ZNF234: variants seen among roughly 807,000 people sequenced by gnomAD.
ZNF234 encodes C2-H2 type zinc finger protein.
In ZNF234, 4 loss-of-function variants were observed where a neutral mutation model predicts 10.3. The observed-to-expected ratio is 0.39, with a 90% confidence interval of 0.19 to 0.89. The LOEUF (loss-of-function observed/expected upper bound fraction) is 0.89. Among genes scored for constraint, ZNF234 ranks in the 40% least tolerant of loss-of-function variants. The probability of loss-of-function intolerance (pLI) is 0.38; values close to 1 mark genes in which losing one functional copy is unlikely to be tolerated. For synonymous variants in ZNF234, 258 were observed against 280.1 expected (o/e 0.92, Z 0.79); for missense variants, 711 against 836.1 (o/e 0.85, Z 1.85).
At chr19:44,154,278 A>G (rs1361437188) in intron 5 of ZNF234, among the ~76,000 whole-genome samples, 1 of 150,584 alleles carries the variant, frequency 6.6e-6, no homozygotes, top group Non-Finnish European at 1.5e-5. Context: ...CTCCATCTCA[A>G]TTGTGAAAGA....
chr19:44,149,411 G>A (rs374236601), intron 4 of ZNF234, among the ~76,000 whole-genome samples: 6 of 152,184 alleles, frequency 3.9e-5, no homozygotes, highest in African/African-American at 1.4e-4. Context: ...TCACGCCACT[G>A]CACTCCAGCC....
Position 44,156,856 on chromosome 19 carries a change from A to G in ZNF234, c.840A>G (p.Arg280=). 6.2e-7 allele frequency: 1 copy of G among 1,613,382 alleles called. No individual in the cohort carries two copies. Among genetic ancestry groups the G allele is most frequent in the Non-Finnish European group, 8.5e-7 (1 of 1,179,572 alleles). Residue 280 remains arginine, a synonymous_variant, in exon 6 of 6, where the codon AGA becomes AGG. Transcript: ENST00000426739. The part of the protein sequence containing the change: ...IHASHLQEHQ[R]IHTGEKPFKC... ...CTTCCCATCTTCAGGAACATCAGAGAATTCATACTGGGGAGAAACCATTCA... is the reference window on the plus strand; with the variant it reads ...CTTCCCATCTTCAGGAACATCAGAGGATTCATACTGGGGAGAAACCATTCA...
intron 2 of ZNF234, among the ~76,000 whole-genome samples, chr19:44,143,133 A>C (rs536724453): frequency 6.6e-6 from 1 of 152,280 alleles, no homozygotes; most frequent in South Asian, 2.1e-4. Context: ...TATAATTTTA[A>C]GTCTATAGAA....
rs868434253 is a variant in ZNF234 at position 44,157,575 on chromosome 19, T to C, written c.1559T>C (p.Val520Ala). The change falls in exon 6 of 6, where the codon GTC (valine) becomes GCC (alanine). Residue 520 changes from valine to alanine, a missense_variant. By Grantham distance (64) the Val-to-Ala change is moderately conservative. Transcript: ENST00000426739. ...TATAATTGTGAGGAGTGTGGGAAGG[T>C]CTTCAGTCAGGCCTCGCATCTTCTA... Reference protein sequence around the residue: ...KPYNCEECGKVFSQASHLLTH... With the variant: ...KPYNCEECGKAFSQASHLLTH... The C allele has an allele frequency of 6.2e-7, 1 of 1,612,356 alleles. No individual in the cohort carries two copies. The highest frequency in any genetic ancestry group is 1.3e-5 in the African/African-American group (1 of 74,268).
At chr19:44,146,129 G>A (rs1968584433) in intron 3 of ZNF234, among the ~76,000 whole-genome samples, 1 of 152,190 alleles carries the variant, frequency 6.6e-6, no homozygotes, top group South Asian at 2.1e-4. Flanking sequence ...ATGACCCGTG[G>A]TGTGGGTGTC....
rs149889645 is a variant in ZNF234, at chr19:44,150,564, C to T, written c.235+59C>T. The stretch of plus-strand genomic sequence containing the variant: ...GATTGTCCATCTGTTGTACTTCTCT[C>T]CCCTGCTCTTGCTGCCATCGGGTCC... On this transcript the variant is annotated intron_variant, in intron 5 of 5. Coordinates refer to ENST00000426739, the MANE Select transcript of ZNF234 (RefSeq NM_006630.3). 1,465 of 1,400,558 alleles carry T rather than the reference C, an allele frequency of 1.0e-3. 6 individuals are homozygous for T. The highest frequency in any genetic ancestry group is 4.3e-3 in the African/African-American group (297 of 69,288). 86.8% of individuals were successfully genotyped at this position (1,400,558 alleles called of 1,614,324 possible). A position where few individuals can be genotyped will look rare whatever the true frequency, so the allele number is the denominator to read the frequency against.
At chr19:44,150,305 C>T (rs1382099404) in intron 4 of ZNF234, 108 bp from the exon 5 acceptor site, 2 of 687,664 alleles carry the variant, frequency 2.9e-6, no homozygotes, top group Admixed American at 7.2e-5. Flanking sequence ...TGTTTGAAAA[C>T]ACTACTTTTG....
At chr19:44,146,391 C>T (rs1374248182) in intron 3 of ZNF234, among the ~76,000 whole-genome samples, 1 of 152,164 alleles carries the variant, frequency 6.6e-6, no homozygotes, top group Admixed American at 6.5e-5. Context: ...CCTGAGGAAT[C>T]GCCACACTGT....
rs1038223183 is a variant in ZNF234 at position 44,156,965 on chromosome 19, A to C, written c.949A>C (p.Lys317Gln). The C allele has an allele frequency of 6.2e-7, 1 of 1,614,128 alleles. No individual in the cohort carries two copies. Among genetic ancestry groups the C allele is most frequent in the African/African-American group, 1.3e-5 (1 of 75,048 alleles). Residue 317 changes from lysine to glutamine, a missense_variant, in exon 6 of 6, where the codon AAA becomes CAA. Lys to Gln is a moderately conservative substitution (Grantham distance 53, BLOSUM62 1). Coordinates refer to ENST00000426739, the MANE Select transcript of ZNF234 (RefSeq NM_006630.3). ...GGTCCACACAGGAGAGAAACCATAC[A>C]AATGTGAGGACTGTGGTAAGTGTTT... ...CMVHTGEKPY[K>Q]CEDCGKCFTC...
chr19:44,157,598 C>G lies in ZNF234; in HGVS notation c.1582C>G (p.Leu528Val). 6.2e-7 allele frequency: 1 copy of G among 1,613,976 alleles called. No individual in the cohort carries two copies. Among genetic ancestry groups the G allele is most frequent in the Non-Finnish European group, 8.5e-7 (1 of 1,179,996 alleles). The change falls in exon 6 of 6, where the codon CTA becomes GTA. Residue 528 changes from leucine (L) to valine (V), a missense_variant. Physicochemically the swap from Leu to Val is conservative, Grantham distance 32 (BLOSUM62 1). Coordinates refer to ENST00000426739, the MANE Select transcript of ZNF234 (RefSeq NM_006630.3). ...GGTCTTCAGTCAGGCCTCGCATCTT[C>G]TAACCCATCAGAGAGTTCACAGTGG... ...GKVFSQASHL[L>V]THQRVHSGEK...
Position 44,157,948 on chromosome 19 carries a change from A to T in ZNF234, c.1932A>T (p.Arg644=). 5 of 1,614,024 alleles carry T rather than the reference A, an allele frequency of 3.1e-6. No homozygotes were observed. Among genetic ancestry groups the T allele is most frequent in the Non-Finnish European group, 3.4e-6 (4 of 1,179,926 alleles). ...CTTCACAATTACAGTATCATAGGCG[A>T]GTTCACACTGGGGAAAAACCTTACA... is the stretch of plus-strand genomic sequence containing the variant. ...SRSSQLQYHR[R]VHTGEKPYKC... Residue 644 remains arginine (R), a synonymous_variant, in exon 6 of 6, where the codon CGA becomes CGT. Coordinates refer to ENST00000426739, the MANE Select transcript of ZNF234 (RefSeq NM_006630.3).
At chr19:44,152,119 G>A (rs1027015402) in intron 5 of ZNF234, among the ~76,000 whole-genome samples, 3 of 152,056 alleles carry the variant, frequency 2.0e-5, no homozygotes, top group Non-Finnish European at 2.9e-5. Context: ...ATTTCACAGT[G>A]GTGGCCTTTT....
Position 44,150,495 on chromosome 19 carries a change from A to G in ZNF234, c.225A>G (p.Lys75=), listed in dbSNP as rs778977655. Residue 75 remains lysine, a synonymous_variant, in exon 5 of 6, where the codon AAA becomes AAG. Transcript: ENST00000426739. ...LDIMKTATQR[K]GKSADKIQSE... ...TAATGAAGACAGCAACTCAAAGAAAAGGGAAATCAGGTAAGAACCAAGCAG... is the reference window on the plus strand; with the variant it reads ...TAATGAAGACAGCAACTCAAAGAAAGGGGAAATCAGGTAAGAACCAAGCAG... The G allele has an allele frequency of 5.1e-6, 8 of 1,579,626 alleles. No individual in the cohort carries two copies. Among genetic ancestry groups the G allele is most frequent in the South Asian group, 1.2e-5 (1 of 86,168 alleles).
In ZNF234 at chr19:44,158,956, G is replaced by T. The variant is rs997760357; in HGVS notation, c.*837G>T. On this transcript the variant is annotated 3_prime_UTR_variant, in exon 6 of 6. Coordinates refer to ENST00000426739, the MANE Select transcript of ZNF234 (RefSeq NM_006630.3). ...AGTAAATGCACAATATTTGAACATT[G>T]TATCCAAAGGAAGAAACCTGCGAAA... The T allele has an allele frequency of 1.3e-5, 2 of 152,174 alleles. No individual in the cohort carries two copies. The highest frequency in any genetic ancestry group is 2.9e-5 in the Non-Finnish European group (2 of 68,052). The allele number at this position is 152,174 out of a possible 1,614,324, so 9.4% of individuals were successfully genotyped here.
At position 44,158,312 on chromosome 19, in the gene ZNF234, C is replaced by T; in HGVS notation, c.*193C>T. ...CTCGCTCTGTTGCCCATGCTGGATG[C>T]AGTGGTGCTATCTCAGCTCACTGTA... On this transcript the variant is annotated 3_prime_UTR_variant, in exon 6 of 6. Coordinates refer to ENST00000426739, the MANE Select transcript of ZNF234 (RefSeq NM_006630.3). The T allele has an allele frequency of 1.6e-6, 1 of 629,688 alleles. No individual in the cohort carries two copies. Among genetic ancestry groups the T allele is most frequent in the Non-Finnish European group, 2.8e-6 (1 of 356,992 alleles). 39.0% of individuals were successfully genotyped at this position (629,688 alleles called of 1,614,324 possible).
intron 5 of ZNF234, among the ~76,000 whole-genome samples, chr19:44,153,954 C>T (rs1200601375): frequency 2.0e-5 from 3 of 152,144 alleles, no homozygotes; most frequent in Admixed American, 2.0e-4. Flanking sequence ...AAATGCTTCC[C>T]TCATTGATGC....
chr19:44,155,187 G>T (rs992424651), intron 5 of ZNF234, among the ~76,000 whole-genome samples: 3 of 152,122 alleles, frequency 2.0e-5, no homozygotes, highest in African/African-American at 4.8e-5. Context: ...TATAATAGTT[G>T]TCAGCTCATT....
chr19:44,158,852 CT>C lies in ZNF234; in HGVS notation c.*734del, dbSNP rs1217677302. The C allele has an allele frequency of 1.3e-5, 2 of 152,694 alleles. No individual in the cohort carries two copies. The highest frequency in any genetic ancestry group is 6.5e-5 in the Admixed American group (1 of 15,312). The allele number at this position is 152,694 out of a possible 1,614,324, so 9.5% of individuals were successfully genotyped here. ...AAGCTCCATGGGGGCAGGAACTTTG[CT>C]ACCGAATCTATACAACCTTAACATT... On this transcript the variant is annotated 3_prime_UTR_variant, in exon 6 of 6. Transcript: ENST00000426739.
Position 44,157,936 on chromosome 19 carries a change from G to T in ZNF234, c.1920G>T (p.Gln640His). The stretch of plus-strand genomic sequence containing the variant: ...TCTTCAGTCGGTCTTCACAATTACA[G>T]TATCATAGGCGAGTTCACACTGGGG... ...GKVFSRSSQL[Q>H]YHRRVHTGEK... The change falls in exon 6 of 6, where the codon CAG becomes CAT. Residue 640 changes from glutamine (Q) to histidine (H), a missense_variant. Transcript: ENST00000426739. 1 of 1,614,000 alleles carries T rather than the reference G, an allele frequency of 6.2e-7. No individual in the cohort carries two copies. The highest frequency in any genetic ancestry group is 2.2e-5 in the East Asian group (1 of 44,884).
Sources: gnomAD v4.1 joint callset for allele counts (sites outside exome capture counted in the v4.1 genomes callset) on GRCh38, gnomAD v4.1.1 for gene constraint, MANE v1.5 for transcripts, NCBI Gene and HGNC (gene_info 2026-07-23, HGNC 2026-07-21) for gene names.